CNTNAP2: variants seen among roughly 807,000 people sequenced by gnomAD.
CNTNAP2 encodes the protein contactin-associated protein-like 2.
Under a neutral mutation model 155.2 loss-of-function variants are expected in CNTNAP2, and 98 were observed. That is an observed-to-expected ratio of 0.63 (90% CI 0.54 to 0.75). The LOEUF (loss-of-function observed/expected upper bound fraction) is 0.75, where lower values mean the gene tolerates loss of function less well. Among genes scored for constraint, CNTNAP2 ranks in the 30% least tolerant of loss-of-function variants. The probability of loss-of-function intolerance (pLI) is 0.00; values close to 1 mark genes in which losing one functional copy is unlikely to be tolerated. For missense variants in CNTNAP2, 1,727 were observed against 1,688.1 expected (o/e 1.02, Z -0.40); for synonymous variants, 651 against 631.2 (o/e 1.03, Z -0.47).
At position 147,307,156 on chromosome 7, in the gene CNTNAP2, T is replaced by G. The variant is rs76477857; in HGVS notation, c.1498+6866T>G. ...GAGAGTTGTTTACGCTAAAACAACA[T>G]GAAAAGTTGAAGAGAACACCACTGG... On this transcript the variant is annotated intron_variant, in intron 9 of 23. Coordinates refer to ENST00000361727, the MANE Select transcript of CNTNAP2 (RefSeq NM_014141.6). 7.9e-3 allele frequency among the ~76,000 whole-genome samples: 1,204 copies of G among 152,234 alleles called. 20 individuals carry two copies. The highest frequency in any genetic ancestry group is 0.027 in the African/African-American group (1,142 of 41,540).
chr7:147,447,244 C>T (rs1370054121), intron 10 of CNTNAP2, among the ~76,000 whole-genome samples: 2 of 152,022 alleles, frequency 1.3e-5, no homozygotes, highest in East Asian at 1.9e-4. Flanking sequence ...CCTGCATGCT[C>T]TTGTGTACAT....
At chr7:147,045,229 A>G (rs1240041998) in intron 4 of CNTNAP2, among the ~76,000 whole-genome samples, 2 of 152,100 alleles carry the variant, frequency 1.3e-5, no homozygotes, top group African/African-American at 4.8e-5. Flanking sequence ...TTTCCTACTC[A>G]TTCCTATAAA....
At chr7:148,245,316 C>T (rs754110953) in intron 20 of CNTNAP2, among the ~76,000 whole-genome samples, 13 of 151,912 alleles carry the variant, frequency 8.6e-5, no homozygotes, top group African/African-American at 1.5e-4. Flanking sequence ...TAACATGGGG[C>T]GAATAAGAGT....
At chr7:146,751,242 C>T (rs140357489) in intron 1 of CNTNAP2, among the ~76,000 whole-genome samples, 251 of 152,184 alleles carry the variant, frequency 1.6e-3, no homozygotes, top group African/African-American at 5.5e-3. Flanking sequence ...TGAGCATACA[C>T]ATTTGAGCAT....
intron 9 of CNTNAP2, among the ~76,000 whole-genome samples, chr7:147,373,488 AT>A (rs1563180026): frequency 6.6e-6 from 1 of 152,068 alleles, no homozygotes; most frequent in East Asian, 1.9e-4. Flanking sequence ...ATGTAGAATA[AT>A]TTTTTACTGG....
chr7:148,324,931 GA>G (rs1797863649), intron 21 of CNTNAP2, among the ~76,000 whole-genome samples: 1 of 152,098 alleles, frequency 6.6e-6, no homozygotes, highest in Non-Finnish European at 1.5e-5. Context: ...AGACTGTTGA[GA>G]AGCCATACCC....
intron 1 of CNTNAP2, among the ~76,000 whole-genome samples, chr7:146,318,689 A>G (rs1800950482): frequency 6.6e-6 from 1 of 152,092 alleles, no homozygotes; most frequent in South Asian, 2.1e-4. Context: ...CATTTAAAAC[A>G]GTGAATGTCT....
At chr7:146,831,124 T>C (rs1255477643) in intron 2 of CNTNAP2, among the ~76,000 whole-genome samples, 1 of 152,182 alleles carries the variant, frequency 6.6e-6, no homozygotes, top group East Asian at 1.9e-4. Flanking sequence ...CACTATTGCC[T>C]CCTCTATCAC....
intron 9 of CNTNAP2, among the ~76,000 whole-genome samples, chr7:147,324,300 T>C (rs1795411077): frequency 6.6e-6 from 1 of 152,198 alleles, no homozygotes; most frequent in Non-Finnish European, 1.5e-5. Flanking sequence ...AATGAATTCA[T>C]AAGGATAATT....
At chr7:146,762,805 T>G (rs1254256855) in intron 1 of CNTNAP2, among the ~76,000 whole-genome samples, 1 of 152,026 alleles carries the variant, frequency 6.6e-6, no homozygotes, top group Non-Finnish European at 1.5e-5. Context: ...CAAGGTAGCA[T>G]GTACAGGGGA....
At chr7:147,644,339 G>A (rs1375054418) in intron 13 of CNTNAP2, among the ~76,000 whole-genome samples, 1 of 152,176 alleles carries the variant, frequency 6.6e-6, no homozygotes, top group Admixed American at 6.6e-5. Context: ...ACTTGAATTT[G>A]GCCGGGTGGG....
intron 1 of CNTNAP2, among the ~76,000 whole-genome samples, chr7:146,423,567 A>C (rs2129114725): frequency 6.6e-6 from 1 of 152,308 alleles, no homozygotes; most frequent in Non-Finnish European, 1.5e-5. Flanking sequence ...TCCAATTTTT[A>C]GCAGCCACCT....
At chr7:146,245,710 G>A (rs557263179) in intron 1 of CNTNAP2, among the ~76,000 whole-genome samples, 2 of 152,078 alleles carry the variant, frequency 1.3e-5, no homozygotes, top group African/African-American at 2.4e-5. Flanking sequence ...TGAGGATGAA[G>A]TTTGGGCTTG....
rs1312326636 is a variant in CNTNAP2, at chr7:147,609,736, A to G, written c.1898-29370A>G. 2.0e-5 allele frequency among the ~76,000 whole-genome samples: 3 copies of G among 152,078 alleles called. No individual in the cohort carries two copies. In the East Asian group the frequency reaches 5.8e-4, roughly 29 times the overall value. ...AAATAATCTGAAGGGAGGCAGATGA[A>G]CAGGAGAAAAGACACACAAATTTGT... On this transcript the variant is annotated intron_variant, in intron 12 of 23. Coordinates refer to ENST00000361727, the MANE Select transcript of CNTNAP2 (RefSeq NM_014141.6).
intron 1 of CNTNAP2, among the ~76,000 whole-genome samples, chr7:146,715,578 C>T (rs765058399): frequency 6.6e-6 from 1 of 152,064 alleles, no homozygotes; most frequent in Non-Finnish European, 1.5e-5. Context: ...ACAGGCCATA[C>T]ACTAGATTCA....
chr7:147,536,052 A>C (rs1258051151), intron 11 of CNTNAP2, among the ~76,000 whole-genome samples: 1 of 152,220 alleles, frequency 6.6e-6, no homozygotes, highest in African/African-American at 2.4e-5. Context: ...CAAATCTCTG[A>C]AGCTCTGAGC....
At chr7:146,558,100 C>CG (rs1490482394) in intron 1 of CNTNAP2, among the ~76,000 whole-genome samples, 1 of 152,110 alleles carries the variant, frequency 6.6e-6, no homozygotes, top group African/African-American at 2.4e-5. Flanking sequence ...GTTAGCAGGA[C>CG]CTGGTTACCT....
intron 1 of CNTNAP2, among the ~76,000 whole-genome samples, chr7:146,450,968 A>G (rs1259077988): frequency 9.9e-6 from 1 of 101,446 alleles, no homozygotes; most frequent in Non-Finnish European, 2.0e-5. Flanking sequence ...TTTATTTGAG[A>G]CGGAGTCTTG....
intron 8 of CNTNAP2, among the ~76,000 whole-genome samples, chr7:147,173,096 A>C (rs1329229642): frequency 1.3e-5 from 2 of 152,200 alleles, no homozygotes; most frequent in East Asian, 3.8e-4. Context: ...AGATCTTCTC[A>C]AAAAGAAAGA....
Sources: gnomAD v4.1 joint callset for allele counts (sites outside exome capture counted in the v4.1 genomes callset) on GRCh38, gnomAD v4.1.1 for gene constraint, MANE v1.5 for transcripts, NCBI Gene and HGNC (gene_info 2026-07-23, HGNC 2026-07-21) for gene names.